The following AUH variants were observed in gnomAD, a reference collection of about 807,000 sequenced individuals.
AUH encodes the protein methylglutaconyl-CoA hydratase, mitochondrial.
Under a neutral mutation model 42.3 loss-of-function variants are expected in AUH, and 29 were observed. That is an observed-to-expected ratio of 0.69 (90% CI 0.51 to 0.93). AUH has a LOEUF of 0.93. Among genes scored for constraint, AUH ranks in the 40% least tolerant of loss-of-function variants. The probability of loss-of-function intolerance (pLI) is 0.00; values close to 1 mark genes in which losing one functional copy is unlikely to be tolerated. For synonymous variants in AUH, 174 were observed against 166.4 expected, an observed-to-expected ratio of 1.05 and a Z score of -0.35; for missense variants, 452 against 438.1, an observed-to-expected ratio of 1.03 and a Z score of -0.28.
At chr9:91,215,502 C>T (rs1013270018) in intron 9 of AUH, among the ~76,000 whole-genome samples, 1 of 152,128 alleles carries the variant, frequency 6.6e-6, no homozygotes, top group Admixed American at 6.5e-5. Flanking sequence ...AAAGTCAGTA[C>T]ATGTTCAGTA....
intron 4 of AUH, among the ~76,000 whole-genome samples, chr9:91,303,491 C>A (rs1827969774): frequency 6.6e-6 from 1 of 152,126 alleles, no homozygotes; most frequent in South Asian, 2.1e-4. Context: ...CCACTACGCC[C>A]AGCTAATTTT....
At chr9:91,304,726 C>T (rs938307455) in intron 4 of AUH, among the ~76,000 whole-genome samples, 4 of 152,040 alleles carry the variant, frequency 2.6e-5, no homozygotes, top group Admixed American at 6.6e-5. Context: ...TGTAGAAAGC[C>T]GTCTACAAAA....
chr9:91,316,741 T>C (rs1381039428), intron 4 of AUH, among the ~76,000 whole-genome samples: 1 of 152,240 alleles, frequency 6.6e-6, no homozygotes, highest in Admixed American at 6.5e-5. Context: ...TATGTATGCA[T>C]GTATTGATTC....
chr9:91,361,693 C>A lies in AUH; in HGVS notation c.197G>T (p.Gly66Val), dbSNP rs1323577454. 4.5e-6 allele frequency: 7 copies of A among 1,567,578 alleles called. No homozygotes were observed. In the African/African-American group the frequency reaches 5.4e-5, roughly 12 times the overall value. ...PAAGGPAPKR[G>V]YSSEMKTEDE... is the part of the protein sequence containing the mutation. ...CTCCGTCTTCATCTCAGAGCTGTAG[C>A]CCCTTTTCGGGGCGGGACCCCCGGC... is the stretch of plus-strand genomic sequence containing the variant. The change falls in exon 1 of 10, where the codon GGC becomes GTC. Residue 66 changes from glycine (G) to valine (V), a missense_variant. Transcript: ENST00000375731.
chr9:91,278,260 A>G (rs1052809240), intron 6 of AUH, among the ~76,000 whole-genome samples: 3 of 152,272 alleles, frequency 2.0e-5, no homozygotes, highest in African/African-American at 4.8e-5. Context: ...GGAAAGCAAG[A>G]CACACAAATA....
chr9:91,281,232 G>A (rs1478497830), intron 6 of AUH, among the ~76,000 whole-genome samples: 1 of 152,164 alleles, frequency 6.6e-6, no homozygotes, highest in East Asian at 1.9e-4. Flanking sequence ...CTGTTGTTCA[G>A]ACTGAATAAT....
chr9:91,293,810 G>A (rs1827103209), intron 6 of AUH, among the ~76,000 whole-genome samples: 1 of 152,180 alleles, frequency 6.6e-6, no homozygotes, highest in African/African-American at 2.4e-5. Context: ...AGAAGAAGAT[G>A]TTATCCAGGA....
At chr9:91,354,946 T>C (rs1465574121) in intron 3 of AUH, among the ~76,000 whole-genome samples, 2 of 152,060 alleles carry the variant, frequency 1.3e-5, no homozygotes, top group Non-Finnish European at 2.9e-5. Flanking sequence ...ACTCAAAATA[T>C]ACATAAAACC....
chr9:91,227,282 G>T (rs571005666), intron 6 of AUH, among the ~76,000 whole-genome samples: 2 of 138,294 alleles, frequency 1.4e-5, no homozygotes, highest in Admixed American at 7.8e-5. Flanking sequence ...CTTGTAAGTT[G>T]GATTCCTAGG....
chr9:91,269,115 G>A (rs115049868), intron 6 of AUH, among the ~76,000 whole-genome samples: 1,570 of 152,000 alleles, frequency 0.01, 29 homozygotes, highest in African/African-American at 0.036. Flanking sequence ...TGAGGAGCTC[G>A]GACTACAGGC....
Position 91,230,782 on chromosome 9 carries a change from C to G in AUH, c.656-9790G>C, listed in dbSNP as rs535551529. Among the ~76,000 whole-genome samples the G allele has an allele frequency of 2.0e-5, 3 of 152,284 alleles. No homozygotes were observed. The East Asian group carries it at 5.8e-4, about 29-fold the overall frequency. Reference sequence around the variant, plus strand: ...AGTTTTCCTTCTAACAGACAGGACCCTCAGCTGCAGGTCTGTTGGAGAACC... The same window carrying G: ...AGTTTTCCTTCTAACAGACAGGACCGTCAGCTGCAGGTCTGTTGGAGAACC... On this transcript the variant is annotated intron_variant, in intron 6 of 9. Transcript: ENST00000375731.
At chr9:91,316,324 G>A (rs1475463415) in intron 4 of AUH, among the ~76,000 whole-genome samples, 2 of 152,122 alleles carry the variant, frequency 1.3e-5, no homozygotes, top group Non-Finnish European at 2.9e-5. Flanking sequence ...CTGGGCCAGA[G>A]TGTAGATATA....
intron 3 of AUH, among the ~76,000 whole-genome samples, chr9:91,351,372 C>G (rs79906249): frequency 0.025 from 3,839 of 152,264 alleles, 77 homozygotes; most frequent in East Asian, 0.066. Flanking sequence ...TTCCACACTC[C>G]ATGTATATCA....
chr9:91,273,051 C>T lies in AUH; in HGVS notation c.655+22970G>A, dbSNP rs76488001. Among the ~76,000 whole-genome samples, 850 of 152,248 alleles carry T rather than the reference C, an allele frequency of 5.6e-3. 10 individuals are homozygous for T. Among genetic ancestry groups the T allele is most frequent in the African/African-American group, 0.02 (814 of 41,550 alleles). ...CCAACTTTAGCTGAAGAAGAATTTGCTGAAAGGTTTTTGGGTGGCCCCCGA... is the reference window on the plus strand; with the variant it reads ...CCAACTTTAGCTGAAGAAGAATTTGTTGAAAGGTTTTTGGGTGGCCCCCGA... On this transcript the variant is annotated intron_variant, in intron 6 of 9. Transcript: ENST00000375731.
intron 3 of AUH, among the ~76,000 whole-genome samples, chr9:91,326,894 G>A (rs1829999995): frequency 6.6e-6 from 1 of 152,090 alleles, no homozygotes; most frequent in South Asian, 2.1e-4. Flanking sequence ...GGCTTAACTT[G>A]GTGCCAAACT....
At chr9:91,333,995 AAG>A (rs1830516468) in intron 3 of AUH, among the ~76,000 whole-genome samples, 1 of 152,226 alleles carries the variant, frequency 6.6e-6, no homozygotes, top group Non-Finnish European at 1.5e-5. Context: ...GTTCAGCCTG[AAG>A]AGTTTTATGA....
rs75083137 is a variant in AUH, at chr9:91,246,659, A to G, written c.656-25667T>C. Among the ~76,000 whole-genome samples, 455 of 152,386 alleles carry G rather than the reference A, an allele frequency of 3.0e-3. 5 individuals are homozygous for G. The highest frequency in any genetic ancestry group is 0.01 in the African/African-American group (436 of 41,590). ...ATAGCATGCTAGAAGGAATAAGGCT[A>G]AAGTCAGAAATCACGCCAAAGGCAA... is the stretch of plus-strand genomic sequence containing the variant. On this transcript the variant is annotated intron_variant, in intron 6 of 9. Coordinates refer to ENST00000375731, the MANE Select transcript of AUH (RefSeq NM_001698.3).
At chr9:91,313,444 G>A (rs181327224) in intron 4 of AUH, among the ~76,000 whole-genome samples, 271 of 152,102 alleles carry the variant, frequency 1.8e-3, no homozygotes, top group African/African-American at 6.1e-3. Context: ...GGTGGCTCAC[G>A]CCTGTAATCC....
chr9:91,292,271 CTCTT>C, intron 6 of AUH, among the ~76,000 whole-genome samples: 1 of 148,832 alleles, frequency 6.7e-6, no homozygotes, highest in Non-Finnish European at 1.5e-5. Flanking sequence ...CCTGGGAACC[CTCTT>C]TTTTTTTTTT....
Sources: allele counts gnomAD v4.1 joint callset (sites outside exome capture counted in the v4.1 genomes callset), GRCh38; gene constraint gnomAD v4.1.1; transcripts MANE v1.5; gene names NCBI Gene and HGNC (gene_info 2026-07-23, HGNC 2026-07-21).